Variants in MMS22L observed in about 807,000 individuals in gnomAD.
MMS22L encodes MMS22 like, DNA repair protein.
A neutral mutation model predicts 159.1 loss-of-function variants in MMS22L; 74 were observed. That is an observed-to-expected ratio of 0.47 (90% CI 0.39 to 0.56). The LOEUF (loss-of-function observed/expected upper bound fraction) is 0.56, where lower values mean the gene tolerates loss of function less well. Ranked by LOEUF, MMS22L falls within the 20% of genes least tolerant of loss-of-function variation. MMS22L has a pLI of 0.00. For synonymous variants in MMS22L, 517 were observed against 506.9 expected (o/e 1.02, Z -0.27); for missense variants, 1,351 against 1,422.1 (o/e 0.95, Z 0.80).
chr6:97,222,936 G>C (rs1809806581), intron 14 of MMS22L, among the ~76,000 whole-genome samples: 1 of 152,084 alleles, frequency 6.6e-6, no homozygotes, highest in Non-Finnish European at 1.5e-5. Context: ...ATAACAGCAA[G>C]TGAGAACTTA....
At chr6:97,155,230 T>C (rs1801706166) in intron 22 of MMS22L, among the ~76,000 whole-genome samples, 1 of 152,204 alleles carries the variant, frequency 6.6e-6, no homozygotes, top group Non-Finnish European at 1.5e-5. Flanking sequence ...TTTGTTTTCT[T>C]AATGACTCGT....
intron 4 of MMS22L, 69 bp from the exon 5 acceptor site, chr6:97,273,131 T>A: frequency 8.1e-7 from 1 of 1,239,604 alleles, no homozygotes; most frequent in Non-Finnish European, 1.1e-6. Context: ...AAAAATGTTG[T>A]AAGCCATACC....
intron 15 of MMS22L, among the ~76,000 whole-genome samples, chr6:97,183,672 T>A (rs1263059857): frequency 6.6e-6 from 1 of 152,158 alleles, no homozygotes. Flanking sequence ...AAGAGAACTA[T>A]CACAAGCTGC....
intron 11 of MMS22L, among the ~76,000 whole-genome samples, chr6:97,240,087 T>C (rs540273648): frequency 9.8e-5 from 15 of 152,292 alleles, no homozygotes; most frequent in Admixed American, 3.9e-4. Context: ...TCAATTTACC[T>C]CAATGGGAGG....
chr6:97,170,687 T>C lies in MMS22L; in HGVS notation c.2839+2376A>G, dbSNP rs943419216. ...TACAATATACATTTTTAAATCTTTA[T>C]AGTTAGAAAGTAATTTTGTTCATTT... On this transcript the variant is annotated intron_variant, in intron 19 of 24. Transcript: ENST00000683635. Among the ~76,000 whole-genome samples the C allele has an allele frequency of 1.0e-4, 13 of 128,040 alleles. 1 individual carries two copies. The highest frequency in any genetic ancestry group is 5.4e-4 in the Admixed American group (7 of 12,874). The allele number at this position is 128,040 out of a possible 152,430, so 84.0% of individuals were successfully genotyped here. A position where few individuals can be genotyped will look rare whatever the true frequency, so the allele number is the denominator to read the frequency against.
intron 14 of MMS22L, among the ~76,000 whole-genome samples, chr6:97,188,838 T>C (rs1805532558): frequency 6.6e-6 from 1 of 152,032 alleles, no homozygotes; most frequent in African/African-American, 2.4e-5. Flanking sequence ...GGTACACGCT[T>C]GTAATCCCAG....
intron 14 of MMS22L, among the ~76,000 whole-genome samples, chr6:97,204,532 T>A (rs1314123842): frequency 6.6e-6 from 1 of 152,128 alleles, no homozygotes; most frequent in Non-Finnish European, 1.5e-5. Flanking sequence ...TGGCTCATGC[T>A]TGTAATCCCA....
intron 14 of MMS22L, among the ~76,000 whole-genome samples, chr6:97,223,455 C>T (rs1809868328): frequency 6.6e-6 from 1 of 152,058 alleles, no homozygotes; most frequent in South Asian, 2.1e-4. Flanking sequence ...CTGCTCTTAA[C>T]TAAAGGGGGC....
At chr6:97,202,341 C>T (rs1457568890) in intron 14 of MMS22L, among the ~76,000 whole-genome samples, 1 of 152,192 alleles carries the variant, frequency 6.6e-6, no homozygotes, top group Non-Finnish European at 1.5e-5. Flanking sequence ...TCTCTATCCA[C>T]TTGCCTGAGA....
chr6:97,174,047 G>T (rs1339787379), intron 18 of MMS22L, among the ~76,000 whole-genome samples: 1 of 151,974 alleles, frequency 6.6e-6, no homozygotes, highest in African/African-American at 2.4e-5. Context: ...GAGGTCAAGA[G>T]ATCGAGACCA....
intron 14 of MMS22L, among the ~76,000 whole-genome samples, chr6:97,222,331 T>A (rs962831743): frequency 6.6e-6 from 1 of 152,020 alleles, no homozygotes; most frequent in Admixed American, 6.6e-5. Flanking sequence ...ATATATATAT[T>A]TTCAAAATGT....
intron 14 of MMS22L, among the ~76,000 whole-genome samples, chr6:97,223,650 G>A (rs571548485): frequency 2.0e-5 from 3 of 152,132 alleles, no homozygotes; most frequent in Non-Finnish European, 2.9e-5. Context: ...CTTGTTTCCT[G>A]TCCAACTCTT....
At chr6:97,281,090 G>T in intron 3 of MMS22L, 147 bp downstream of exon 3, 1 of 702,384 alleles carries the variant, frequency 1.4e-6, no homozygotes, top group Non-Finnish European at 2.2e-6. Flanking sequence ...ATTGCTGCTT[G>T]ATTATTGTTA....
At chr6:97,268,845 TTC>T (rs1207689385) in intron 7 of MMS22L, among the ~76,000 whole-genome samples, 1 of 151,826 alleles carries the variant, frequency 6.6e-6, no homozygotes, top group African/African-American at 2.4e-5. Context: ...CTTCATATGT[TTC>T]TGTGTATGAA....
chr6:97,209,209 G>C (rs755699224), intron 14 of MMS22L, among the ~76,000 whole-genome samples: 2 of 151,798 alleles, frequency 1.3e-5, no homozygotes, highest in Admixed American at 6.6e-5. Flanking sequence ...CTTTACACTA[G>C]TTATACACAT....
intron 14 of MMS22L, among the ~76,000 whole-genome samples, chr6:97,199,045 C>T (rs1041786649): frequency 3.3e-5 from 5 of 152,100 alleles, no homozygotes; most frequent in African/African-American, 9.7e-5. Flanking sequence ...TAGCTCTCAC[C>T]ATCCCAGCAG....
intron 14 of MMS22L, among the ~76,000 whole-genome samples, chr6:97,191,040 G>C (rs1805809282): frequency 6.6e-6 from 1 of 152,016 alleles, no homozygotes. Flanking sequence ...TCATCTGACT[G>C]CTCTTTTGCC....
At chr6:97,212,034 C>A (rs1283328286) in intron 14 of MMS22L, among the ~76,000 whole-genome samples, 2 of 152,156 alleles carry the variant, frequency 1.3e-5, no homozygotes, top group Non-Finnish European at 2.9e-5. Context: ...AGAGAAAATT[C>A]TGTAAGTGAC....
chr6:97,177,642 T>C lies in MMS22L; in HGVS notation c.2679+801A>G, dbSNP rs187890772. The stretch of plus-strand genomic sequence containing the variant: ...CAACTAAATAAGGGTCCAAATGGAA[T>C]GTGTATTTTACATCTGCATTTACTA... On this transcript the variant is annotated intron_variant, in intron 18 of 24. Transcript: ENST00000683635. Among the ~76,000 whole-genome samples the C allele has an allele frequency of 3.0e-3, 457 of 152,276 alleles. 2 individuals carry two copies. Among genetic ancestry groups the C allele is most frequent in the African/African-American group, 0.011 (445 of 41,574 alleles).
Sources: allele counts gnomAD v4.1 joint callset (sites outside exome capture counted in the v4.1 genomes callset), GRCh38; gene constraint gnomAD v4.1.1; transcripts MANE v1.5; gene names NCBI Gene and HGNC (gene_info 2026-07-23, HGNC 2026-07-21).